Variants in IPO5 observed in about 807,000 individuals in gnomAD.
IPO5 encodes the protein importin-5.
Under a neutral mutation model 143.3 loss-of-function variants are expected in IPO5, and 18 were observed. The ratio of observed to expected loss-of-function variants is 0.13; its 90% CI spans 0.09 to 0.19. The LOEUF (loss-of-function observed/expected upper bound fraction) is 0.19, where lower values mean the gene tolerates loss of function less well. IPO5 is among the 10% of genes least tolerant of loss of function. IPO5 has a pLI of 1.00. For synonymous variants in IPO5, 477 were observed against 465.7 expected (o/e 1.02, Z -0.31); for missense variants, 1,013 against 1,336.9 (o/e 0.76, Z 3.78).
In IPO5 at chr13:97,993,138, C is replaced by T. The variant is rs995344510; in HGVS notation, c.826C>T (p.Arg276Cys). 9.9e-6 allele frequency: 16 copies of T among 1,613,908 alleles called. No homozygotes were observed. Among genetic ancestry groups the T allele is most frequent in the East Asian group, 2.2e-5 (1 of 44,876 alleles). ...AGACACTAGCCTCAACAATATGCAA[C>T]GCCAGCTTGCCCTTGAAGTGATCGT... ...CGDTSLNNMQRQLALEVIVTL... is the reference protein window; with the variant it reads ...CGDTSLNNMQCQLALEVIVTL... The change falls in exon 11 of 29, where the codon CGC becomes TGC. Residue 276 changes from arginine (R) to cysteine (C), a missense_variant. Physicochemically the swap from Arg to Cys is radical, Grantham distance 180. This residue lies in a region of IPO5 where 328 missense variants were observed against 342.0 expected (regional missense o/e 0.96). Transcript: ENST00000651721.
At chr13:97,959,987 T>C (rs1237378064) in intron 2 of IPO5, among the ~76,000 whole-genome samples, 5 of 152,172 alleles carry the variant, frequency 3.3e-5, no homozygotes, top group Non-Finnish European at 7.4e-5. Context: ...AACAAATGAA[T>C]GAAGAAAATG....
At position 98,010,095 on chromosome 13, in the gene IPO5, G is replaced by A. The variant is rs530767413; in HGVS notation, c.1934-8G>A. 1.2e-4 allele frequency: 196 copies of A among 1,613,736 alleles called. 1 individual carries two copies. The highest frequency in any genetic ancestry group is 2.5e-4 in the Admixed American group (15 of 59,956). Reference sequence around the variant, plus strand: ...TTCATATGCATTTGTTTTCTTCTCCGTTAATAGCCCAAGACATGGAGAATA... The same window carrying A: ...TTCATATGCATTTGTTTTCTTCTCCATTAATAGCCCAAGACATGGAGAATA... On this transcript the variant is annotated splice_region_variant and splice_polypyrimidine_tract_variant and intron_variant, in intron 19 of 28. Coordinates refer to ENST00000651721, the MANE Select transcript of IPO5 (RefSeq NM_002271.6).
At chr13:98,007,084 G>A (rs1889327096) in intron 17 of IPO5, among the ~76,000 whole-genome samples, 1 of 151,816 alleles carries the variant, frequency 6.6e-6, no homozygotes, top group Non-Finnish European at 1.5e-5. Flanking sequence ...TGTTGGCCAG[G>A]CTAGCCCTGA....
intron 27 of IPO5, 78 bp downstream of exon 27, chr13:98,019,887 T>A: frequency 2.1e-6 from 2 of 935,876 alleles, no homozygotes; most frequent in Non-Finnish European, 1.7e-6. Flanking sequence ...ATCAGTCTTT[T>A]AAGGTTTAAC....
rs143622937 is a variant in IPO5 at position 98,004,261 on chromosome 13, C to G, written c.1497+1224C>G. ...TTAACAAACCACAGTTTGCATAGCA[C>G]TGGCAATTGGTCAGAGAGCAAGATA... On this transcript the variant is annotated intron_variant, in intron 16 of 28. Transcript: ENST00000651721. Among the ~76,000 whole-genome samples, 111 of 152,352 alleles carry G rather than the reference C, an allele frequency of 7.3e-4. 1 individual carries two copies. The East Asian group carries it at 0.013, about 17-fold the overall frequency.
chr13:97,962,016 C>A (rs1884928319), intron 2 of IPO5, among the ~76,000 whole-genome samples: 1 of 152,124 alleles, frequency 6.6e-6, no homozygotes, highest in African/African-American at 2.4e-5. Flanking sequence ...GTAATCCCAG[C>A]TAATCTGGAG....
At chr13:97,994,135 C>T (rs1470475796) in intron 11 of IPO5, among the ~76,000 whole-genome samples, 2 of 152,130 alleles carry the variant, frequency 1.3e-5, no homozygotes, top group Non-Finnish European at 2.9e-5. Flanking sequence ...GCTAAAACCC[C>T]GTTTCTACTA....
Position 98,008,397 on chromosome 13 carries a change from C to T in IPO5, c.1800+255C>T, listed in dbSNP as rs528671434. ...TTCTATCCAAGGCTCTCTTCTCACT[C>T]CTGTGGAGCAGTGTCACTCACAGAC... On this transcript the variant is annotated intron_variant, in intron 18 of 28. Coordinates refer to ENST00000651721, the MANE Select transcript of IPO5 (RefSeq NM_002271.6). Among the ~76,000 whole-genome samples, 18 of 152,290 alleles carry T rather than the reference C, an allele frequency of 1.2e-4. No individual in the cohort carries two copies. In the South Asian group the frequency reaches 2.5e-3, roughly 21 times the overall value.
chr13:98,003,640 A>G (rs1413748026), intron 16 of IPO5, among the ~76,000 whole-genome samples: 2 of 152,156 alleles, frequency 1.3e-5, no homozygotes, highest in African/African-American at 4.8e-5. Context: ...ACCTGAGGTC[A>G]GGAGTTCGAG....
In IPO5 at chr13:98,013,356, A is replaced by G. The variant is rs758451268; in HGVS notation, c.2153-686A>G. ...TGCGTTCCAATATCTTTCTCAACATAATGATAGCCGTAATTAATATTTTCC... is the reference window on the plus strand; with the variant it reads ...TGCGTTCCAATATCTTTCTCAACATGATGATAGCCGTAATTAATATTTTCC... On this transcript the variant is annotated intron_variant, in intron 21 of 28. Coordinates refer to ENST00000651721, the MANE Select transcript of IPO5 (RefSeq NM_002271.6). Among the ~76,000 whole-genome samples the G allele has an allele frequency of 5.3e-5, 8 of 152,134 alleles. No individual in the cohort carries two copies. In the East Asian group the frequency reaches 7.7e-4, roughly 15 times the overall value.
intron 5 of IPO5, among the ~76,000 whole-genome samples, chr13:97,983,553 G>A (rs1273335558): frequency 9.9e-4 from 33 of 33,262 alleles, no homozygotes; most frequent in African/African-American, 2.8e-3. Flanking sequence ...CCCCCCCACC[G>A]TCCCCCCGAT....
At chr13:98,008,613 G>A (rs1889457286) in intron 18 of IPO5, among the ~76,000 whole-genome samples, 2 of 152,182 alleles carry the variant, frequency 1.3e-5, no homozygotes, top group South Asian at 2.1e-4. Flanking sequence ...CTCCGCCAAC[G>A]AACAGACAAA....
chr13:97,962,873 A>G (rs1885005287), intron 2 of IPO5, among the ~76,000 whole-genome samples: 1 of 152,058 alleles, frequency 6.6e-6, no homozygotes, highest in African/African-American at 2.4e-5. Flanking sequence ...CTACATAATT[A>G]TGAGAGATGG....
chr13:98,000,216 C>T (rs1272428514), intron 12 of IPO5, among the ~76,000 whole-genome samples: 9 of 151,362 alleles, frequency 5.9e-5, no homozygotes, highest in Admixed American at 1.3e-4. Context: ...AGCTGGGAGG[C>T]GGAGCTTGCA....
intron 2 of IPO5, among the ~76,000 whole-genome samples, chr13:97,955,722 C>T (rs1884408967): frequency 6.6e-6 from 1 of 152,132 alleles, no homozygotes; most frequent in African/African-American, 2.4e-5. Context: ...GAAGCATTGA[C>T]AGCCCAGTTC....
intron 13 of IPO5, among the ~76,000 whole-genome samples, chr13:98,001,182 T>G (rs1197745000): frequency 3.3e-5 from 5 of 152,194 alleles, no homozygotes; most frequent in Non-Finnish European, 5.9e-5. Flanking sequence ...CCATCCTTCC[T>G]TTTTATTTCT....
intron 4 of IPO5, among the ~76,000 whole-genome samples, chr13:97,980,348 C>T (rs1361344498): frequency 6.6e-6 from 1 of 152,158 alleles, no homozygotes; most frequent in East Asian, 1.9e-4. Context: ...TCATCTGTCA[C>T]TCGTACTAAA....
intron 8 of IPO5, 102 bp from the exon 9 acceptor site, chr13:97,990,331 C>T: frequency 8.8e-7 from 1 of 1,132,840 alleles, no homozygotes; most frequent in Non-Finnish European, 1.3e-6. Context: ...AATACAAACA[C>T]CAGTTTTACT....
In IPO5 at chr13:98,000,404, TCCA is replaced by T. The variant is rs1159352492; in HGVS notation, c.1002-133_1002-131del. The T allele has an allele frequency of 1.4e-5, 8 of 585,444 alleles. No individual in the cohort carries two copies. The East Asian group carries it at 1.4e-4, about 10-fold the overall frequency. The allele number at this position is 585,444 out of a possible 1,614,324, so 36.3% of individuals were successfully genotyped here. A position where few individuals can be genotyped will look rare whatever the true frequency, so the allele number is the denominator to read the frequency against. On this transcript the variant is annotated intron_variant, in intron 12 of 28. Transcript: ENST00000651721. ...AGAGTTTTTAACCCCTAATTTCAAT[TCCA>T]CATTTAAAGACAGCTTGAATTCTTT...
Sources: gnomAD v4.1 joint callset for allele counts (sites outside exome capture counted in the v4.1 genomes callset) on GRCh38, gnomAD v4.1.1 for gene constraint, gnomAD v4.1.1 regional missense constraint, MANE v1.5 for transcripts, NCBI Gene and HGNC (gene_info 2026-07-23, HGNC 2026-07-21) for gene names.